The following STON2 variants were observed in gnomAD, a reference collection of about 807,000 sequenced individuals.
The protein encoded by STON2 is stonin-2.
A neutral mutation model predicts 65.7 loss-of-function variants in STON2; 29 were observed. The observed-to-expected ratio is 0.44, with a 90% CI of 0.33 to 0.60. The LOEUF is 0.60. Among genes scored for constraint, STON2 ranks in the 20% least tolerant of loss-of-function variants. STON2 has a pLI of 0.03. For missense variants in STON2, 1,054 were observed against 1,118.1 expected (o/e 0.94, Z 0.82); for synonymous variants, 404 against 414.2 (o/e 0.98, Z 0.30).
chr14:81,369,402 A>G (rs1384761651), intron 4 of STON2, among the ~76,000 whole-genome samples: 1 of 152,202 alleles, frequency 6.6e-6, no homozygotes, highest in African/African-American at 2.4e-5. Flanking sequence ...TGAACCTCCA[A>G]GAATTAAAGC....
At chr14:81,287,678 T>C (rs532179067) in intron 5 of STON2, among the ~76,000 whole-genome samples, 6 of 152,302 alleles carry the variant, frequency 3.9e-5, no homozygotes, top group Admixed American at 3.3e-4. Flanking sequence ...TTATTCCATG[T>C]TGGTGGGGTA....
intron 5 of STON2, among the ~76,000 whole-genome samples, chr14:81,313,222 G>A (rs1371488645): frequency 6.6e-6 from 1 of 152,098 alleles, no homozygotes; most frequent in African/African-American, 2.4e-5. Flanking sequence ...AGGGAGTTTT[G>A]TTTTGTTTTA....
chr14:81,415,028 T>C (rs1901358475), intron 2 of STON2, among the ~76,000 whole-genome samples: 1 of 152,044 alleles, frequency 6.6e-6, no homozygotes, highest in South Asian at 2.1e-4. Context: ...GGAGACTCTC[T>C]TATGATCCCC....
intron 1 of STON2, among the ~76,000 whole-genome samples, chr14:81,433,385 C>T (rs1280683033): frequency 6.6e-6 from 1 of 152,174 alleles, no homozygotes; most frequent in Non-Finnish European, 1.5e-5. Context: ...AAAATCTGAC[C>T]CTGTCAAAGC....
chr14:81,295,323 T>C (rs938358894), intron 5 of STON2, among the ~76,000 whole-genome samples: 9 of 152,056 alleles, frequency 5.9e-5, no homozygotes, highest in Admixed American at 2.0e-4. Context: ...AGACTCCATC[T>C]CAAAAAAGAA....
chr14:81,313,710 G>A (rs760361157), intron 5 of STON2, among the ~76,000 whole-genome samples: 10 of 151,226 alleles, frequency 6.6e-5, no homozygotes, highest in Admixed American at 1.3e-4. Context: ...CAGGAGAATC[G>A]CTTGAACCCG....
At chr14:81,375,319 C>G (rs1566933402) in intron 3 of STON2, among the ~76,000 whole-genome samples, 3 of 151,928 alleles carry the variant, frequency 2.0e-5, no homozygotes, top group Non-Finnish European at 4.4e-5. Flanking sequence ...TGAAATTTAA[C>G]ATGGTATGCA....
intron 4 of STON2, among the ~76,000 whole-genome samples, chr14:81,350,501 A>G (rs1897983999): frequency 6.6e-6 from 1 of 151,308 alleles, no homozygotes; most frequent in African/African-American, 2.4e-5. Flanking sequence ...AAAAACTTTC[A>G]GAGAGGAATG....
At chr14:81,288,021 A>G (rs1206428433) in intron 5 of STON2, among the ~76,000 whole-genome samples, 3 of 152,214 alleles carry the variant, frequency 2.0e-5, no homozygotes, top group Non-Finnish European at 4.4e-5. Context: ...GCAGGGATAG[A>G]TTCTGGCATC....
At chr14:81,388,797 C>T (rs978765720) in intron 3 of STON2, among the ~76,000 whole-genome samples, 2 of 152,156 alleles carry the variant, frequency 1.3e-5, no homozygotes, top group Non-Finnish European at 2.9e-5. Context: ...AGGAATATCC[C>T]GGATAACCTC....
chr14:81,296,345 A>G (rs905208126), intron 5 of STON2, among the ~76,000 whole-genome samples: 7 of 152,200 alleles, frequency 4.6e-5, no homozygotes, highest in Non-Finnish European at 8.8e-5. Context: ...TCCTGTTGAC[A>G]TTTAAAGTCA....
At position 81,382,126 on chromosome 14, in the gene STON2, G is replaced by A. The variant is rs915012602; in HGVS notation, c.374-10941C>T. On this transcript the variant is annotated intron_variant, in intron 3 of 7. Transcript: ENST00000614646. ...CCCAGCTACTCAGAAGGCTGAGGCA[G>A]GAGAATCGCTTGAATCCGGGAGGCG... Among the ~76,000 whole-genome samples, 9 of 152,100 alleles carry A rather than the reference G, an allele frequency of 5.9e-5. No individual in the cohort carries two copies. The East Asian group carries it at 1.5e-3, about 26-fold the overall frequency.
intron 2 of STON2, among the ~76,000 whole-genome samples, chr14:81,417,809 C>A (rs1404142967): frequency 6.6e-6 from 1 of 152,070 alleles, no homozygotes; most frequent in Non-Finnish European, 1.5e-5. Context: ...TTGGAGCATG[C>A]CTACATAAGG....
At chr14:81,378,882 A>T (rs1487765686) in intron 3 of STON2, among the ~76,000 whole-genome samples, 3 of 152,222 alleles carry the variant, frequency 2.0e-5, no homozygotes, top group Admixed American at 6.5e-5. Context: ...TTTAGTCTTT[A>T]TTCATGGTAG....
At chr14:81,336,958 A>C (rs1455762753) in intron 4 of STON2, among the ~76,000 whole-genome samples, 1 of 152,176 alleles carries the variant, frequency 6.6e-6, no homozygotes, top group Non-Finnish European at 1.5e-5. Flanking sequence ...GAAAGGAGGT[A>C]GCTGTTGGGG....
chr14:81,398,953 A>G (rs1176067937), intron 1 of STON2, among the ~76,000 whole-genome samples: 4 of 152,248 alleles, frequency 2.6e-5, no homozygotes, highest in Non-Finnish European at 5.9e-5. Context: ...AAATAAAAGC[A>G]TGTTCTTTTC....
chr14:81,368,799 A>G (rs1348300043), intron 4 of STON2, among the ~76,000 whole-genome samples: 1 of 152,198 alleles, frequency 6.6e-6, no homozygotes, highest in East Asian at 1.9e-4. Context: ...CTCTTGTTGA[A>G]TAAGAGCATC....
At chr14:81,340,379 T>C (rs879804561) in intron 4 of STON2, among the ~76,000 whole-genome samples, 4 of 152,196 alleles carry the variant, frequency 2.6e-5, no homozygotes, top group Non-Finnish European at 4.4e-5. Context: ...ATCTTGATTA[T>C]GGTGATGACT....
chr14:81,369,591 A>T (rs181008905), intron 4 of STON2, among the ~76,000 whole-genome samples: 1 of 152,240 alleles, frequency 6.6e-6, no homozygotes, highest in South Asian at 2.1e-4. Context: ...CAAGCATCAC[A>T]TAAGTTATTC....
Sources: gnomAD v4.1 joint callset for allele counts (sites outside exome capture counted in the v4.1 genomes callset) on GRCh38, gnomAD v4.1.1 for gene constraint, MANE v1.5 for transcripts, NCBI Gene and HGNC (gene_info 2026-07-23, HGNC 2026-07-21) for gene names.